Variants in NBEAL1 observed in about 807,000 individuals in gnomAD.
The protein encoded by NBEAL1 is neurobeachin like 1, also known as neurobeachin-like protein 1.
A neutral mutation model predicts 351.3 loss-of-function variants in NBEAL1; 273 were observed. That is an observed-to-expected ratio of 0.78 (90% confidence interval 0.70 to 0.86). NBEAL1 has a LOEUF of 0.86. NBEAL1 is among the 40% of genes least tolerant of loss of function. The probability of loss-of-function intolerance (pLI) is 0.00; values close to 1 mark genes in which losing one functional copy is unlikely to be tolerated. For synonymous variants in NBEAL1, 1,050 were observed against 1,086.4 expected, an observed-to-expected ratio of 0.97 and a Z score of 0.66; for missense variants, 2,961 against 3,201.3, an observed-to-expected ratio of 0.92 and a Z score of 1.81.
chr2:203,039,472 C>T lies in NBEAL1; in HGVS notation c.52-2293C>T, dbSNP rs901233516. On this transcript the variant is annotated intron_variant, in intron 2 of 55. Transcript: ENST00000683969. ...AGGCTGGAGTGCAGTAGCATGATCT[C>T]AGCTCACTGCAACCTCCGCCTCCTG... 2.7e-5 allele frequency among the ~76,000 whole-genome samples: 4 copies of T among 146,272 alleles called. No individual in the cohort carries two copies. In the South Asian group the frequency reaches 6.4e-4, roughly 23 times the overall value.
In NBEAL1 at chr2:203,076,318, G is replaced by GA. The variant is rs1246523894; in HGVS notation, c.599-1434_599-1433insA. Among the ~76,000 whole-genome samples, 1,052 of 151,412 alleles carry GA rather than the reference G, an allele frequency of 6.9e-3. 17 individuals carry two copies. The highest frequency in any genetic ancestry group is 0.024 in the African/African-American group (995 of 41,352). On this transcript the variant is annotated intron_variant, in intron 7 of 55. Coordinates refer to ENST00000683969, the MANE Select transcript of NBEAL1 (RefSeq NM_001378026.1). Reference sequence around the variant, plus strand: ...GACAACATTGCAAAACCCTGTCTCTGCAAAAAAATACAAAAAATTAGATGG... The same window carrying GA: ...GACAACATTGCAAAACCCTGTCTCTGACAAAAAAATACAAAAAATTAGATGG...
chr2:203,134,705 T>C (rs2063157969), intron 27 of NBEAL1, among the ~76,000 whole-genome samples: 1 of 152,246 alleles, frequency 6.6e-6, no homozygotes, highest in African/African-American at 2.4e-5. Context: ...CTAAAAATTT[T>C]AATCAATTGG....
Position 203,084,526 on chromosome 2 carries a change from G to T in NBEAL1, c.1055G>T (p.Ser352Ile), listed in dbSNP as rs535050495. ...GTTCTTCAGGCCATTTTTCTTAACAGCAATTGCTTTGAACATCTCATACGA... is the reference window on the plus strand; with the variant it reads ...GTTCTTCAGGCCATTTTTCTTAACATCAATTGCTTTGAACATCTCATACGA... ...RPVLQAIFLN[S>I]NCFEHLIRLL... The change falls in exon 10 of 56, where the codon AGC (serine) becomes ATC (isoleucine). Residue 352 changes from serine to isoleucine, a missense_variant. Transcript: ENST00000683969. 2.3e-5 allele frequency: 35 copies of T among 1,545,636 alleles called. No homozygotes were observed. Among genetic ancestry groups the T allele is most frequent in the Non-Finnish European group, 3.0e-5 (34 of 1,144,142 alleles).
chr2:203,086,260 T>C (rs1005686502), intron 10 of NBEAL1: 1 of 152,186 alleles, frequency 6.6e-6, no homozygotes, highest in African/African-American at 2.4e-5. Context: ...TTTTTTACTG[T>C]GTATCACTGT....
At chr2:203,133,222 C>A in intron 27 of NBEAL1, 76 bp downstream of exon 27, 1 of 589,102 alleles carries the variant, frequency 1.7e-6, no homozygotes, top group Non-Finnish European at 2.8e-6. Context: ...CATTATTTTG[C>A]AGCAGATACA....
At chr2:203,105,986 G>A (rs894157431) in intron 12 of NBEAL1, among the ~76,000 whole-genome samples, 1 of 152,088 alleles carries the variant, frequency 6.6e-6, no homozygotes, top group Non-Finnish European at 1.5e-5. Flanking sequence ...CATTTGAATA[G>A]CCTATCAATT....
At chr2:203,190,064 A>G (rs967085696) in intron 45 of NBEAL1, among the ~76,000 whole-genome samples, 1 of 150,602 alleles carries the variant, frequency 6.6e-6, no homozygotes, top group Non-Finnish European at 1.5e-5. Flanking sequence ...TGAACCCAGG[A>G]GGTGGAGGTT....
In NBEAL1 at chr2:203,204,323, G is replaced by GT. The variant is rs2065490334; in HGVS notation, c.7506+1542_7506+1543insT. The stretch of plus-strand genomic sequence containing the variant: ...TGTTAATTTGGTTTGGGGGTTTTTT[G>GT]GTTTTTTTTTTTTTTTTTTGAGGCA... On this transcript the variant is annotated intron_variant, in intron 51 of 55. Coordinates refer to ENST00000683969, the MANE Select transcript of NBEAL1 (RefSeq NM_001378026.1). 3.5e-5 allele frequency among the ~76,000 whole-genome samples: 5 copies of GT among 144,146 alleles called. No individual in the cohort carries two copies. The South Asian group carries it at 1.1e-3, about 32-fold the overall frequency. 94.6% of individuals were successfully genotyped at this position (144,146 alleles called of 152,430 possible).
Position 203,113,175 on chromosome 2 carries a change from C to A in NBEAL1, c.2363C>A (p.Ser788Ter). ...SASWGGTIEK[S>*]KLITKLISAG... The stretch of plus-strand genomic sequence containing the variant: ...TCCTGGGGAGGAACAATTGAAAAAT[C>A]AAAATTGATTACCAAATTGATATCA... Residue 788 changes from serine to a stop codon, truncating the protein, a stop_gained, in exon 17 of 56, where the codon TCA becomes TAA. Transcript: ENST00000683969. LOFTEE classifies it high-confidence loss of function. The A allele has an allele frequency of 6.4e-7, 1 of 1,551,858 alleles. No individual in the cohort carries two copies. The highest frequency in any genetic ancestry group is 8.7e-7 in the Non-Finnish European group (1 of 1,146,936).
chr2:203,137,115 G>A (rs973649816), intron 29 of NBEAL1, among the ~76,000 whole-genome samples: 7 of 152,252 alleles, frequency 4.6e-5, no homozygotes, highest in African/African-American at 1.7e-4. Context: ...CTAAGAGAAC[G>A]GAGTTGGGTT....
At chr2:203,097,369 C>G (rs7605711) in intron 10 of NBEAL1, among the ~76,000 whole-genome samples, 178 bp from the exon 11 acceptor site, 46,054 of 152,052 alleles carry the variant, frequency 0.3, 7,567 homozygotes, top group East Asian at 0.61. Flanking sequence ...ATCTAAACTA[C>G]TATTAGTTCA....
chr2:203,191,719 A>G (rs78160136), intron 46 of NBEAL1, among the ~76,000 whole-genome samples: 240 of 152,290 alleles, frequency 1.6e-3, no homozygotes, highest in African/African-American at 5.2e-3. Flanking sequence ...TACTTTTTCT[A>G]TGTTTACACA....
At chr2:203,034,409 G>A (rs1381155094) in intron 2 of NBEAL1, among the ~76,000 whole-genome samples, 1 of 138,916 alleles carries the variant, frequency 7.2e-6, no homozygotes, top group Admixed American at 7.3e-5. Context: ...CGCCCACCTT[G>A]GCCTCCCAAA....
chr2:203,191,318 T>G, intron 46 of NBEAL1: 4 of 426,004 alleles, frequency 9.4e-6, no homozygotes, highest in Non-Finnish European at 1.6e-5. Context: ...ATTTGACAAC[T>G]GAAAAAAAAA....
rs1412983633 is a variant in NBEAL1, at chr2:203,213,519, T to C, written c.7936T>C (p.Leu2646=). Residue 2646 remains leucine, a splice_region_variant and synonymous_variant, in exon 55 of 56, where the codon TTG becomes CTG. Transcript: ENST00000683969. The part of the protein sequence containing the change: ...GFLSIRDLHS[L]NLSINPLAMR... ...CTGTATTTTTTATTTCTTTTCTAGC[T>C]TGAATCTCAGCATCAACCCATTAGC... 1.2e-6 allele frequency: 2 copies of C among 1,608,840 alleles called. No homozygotes were observed. The highest frequency in any genetic ancestry group is 1.3e-5 in the African/African-American group (1 of 74,732).
At chr2:203,128,209 CCT>C (rs2062989319) in intron 24 of NBEAL1, among the ~76,000 whole-genome samples, 1 of 151,392 alleles carries the variant, frequency 6.6e-6, no homozygotes. Context: ...GCCTCAGCCC[CCT>C]GAGTAGCTGA....
chr2:203,094,136 C>T (rs2062127540), intron 10 of NBEAL1, among the ~76,000 whole-genome samples: 1 of 152,224 alleles, frequency 6.6e-6, no homozygotes, highest in East Asian at 1.9e-4. Flanking sequence ...CCCAGGTTTT[C>T]TGACCCTAAG....
intron 29 of NBEAL1, 44 bp downstream of exon 29, chr2:203,136,818 G>T (rs753529471): frequency 6.6e-7 from 1 of 1,517,048 alleles, no homozygotes; most frequent in Non-Finnish European, 9.1e-7. Flanking sequence ...TTTGGTGACA[G>T]CAGGAGTCTA....
rs1430505666 is a variant in NBEAL1, at chr2:203,056,420, C to T, written c.306-7C>T. On this transcript the variant is annotated splice_polypyrimidine_tract_variant and splice_region_variant and intron_variant, in intron 4 of 55. Transcript: ENST00000683969. ...ATGTAAAAAATTAAAGTCTCTTTTT[C>T]TCACAGAAATCTATCAAATGTGGAA... The T allele has an allele frequency of 4.6e-6, 7 of 1,507,180 alleles. No individual in the cohort carries two copies. In the South Asian group the frequency reaches 8.4e-5, roughly 18 times the overall value. The allele number at this position is 1,507,180 out of a possible 1,614,324, so 93.4% of individuals were successfully genotyped here.
Sources: gnomAD v4.1 joint callset for allele counts (sites outside exome capture counted in the v4.1 genomes callset) on GRCh38, gnomAD v4.1.1 for gene constraint, MANE v1.5 for transcripts, NCBI Gene and HGNC (gene_info 2026-07-23, HGNC 2026-07-21) for gene names.